INCENP: variants seen among roughly 807,000 people sequenced by gnomAD.
INCENP encodes inner centromere protein.
A neutral mutation model predicts 107.3 loss-of-function variants in INCENP; 43 were observed. That is an observed-to-expected ratio of 0.40 (90% CI 0.31 to 0.52). The LOEUF is 0.52. Ranked by LOEUF, INCENP falls within the 20% of genes least tolerant of loss-of-function variation. The pLI is 0.53. For missense variants in INCENP, 1,089 were observed against 1,250.9 expected, an observed-to-expected ratio of 0.87 and a Z score of 1.95; for synonymous variants, 488 against 494.4, an observed-to-expected ratio of 0.99 and a Z score of 0.17.
intron 17 of INCENP, among the ~76,000 whole-genome samples, chr11:62,149,163 TC>T (rs1944319711): frequency 1.8e-5 from 2 of 112,842 alleles, no homozygotes; most frequent in Non-Finnish European, 4.8e-5. Context: ...CACACAGATA[TC>T]CTCTCTCTCT....
intron 10 of INCENP, among the ~76,000 whole-genome samples, 181 bp downstream of exon 10, chr11:62,141,225 G>C (rs1215126323): frequency 2.0e-5 from 3 of 152,216 alleles, no homozygotes; most frequent in Non-Finnish European, 4.4e-5. Context: ...TGAGGGCACT[G>C]TCCTGCACTT....
chr11:62,137,587 C>T (rs189701736), intron 4 of INCENP, among the ~76,000 whole-genome samples: 2 of 152,306 alleles, frequency 1.3e-5, no homozygotes, highest in East Asian at 3.9e-4. Flanking sequence ...GTGAAGGTGC[C>T]CAGCCGTGCT....
In INCENP at chr11:62,130,569, G is replaced by A. The variant is rs1481117768; in HGVS notation, c.1042G>A (p.Ala348Thr). 6.2e-7 allele frequency: 1 copy of A among 1,612,622 alleles called. No individual in the cohort carries two copies. The highest frequency in any genetic ancestry group is 8.5e-7 in the Non-Finnish European group (1 of 1,179,394). The part of the protein sequence containing the change: ...RLAKKTAEEP[A>T]ASGRIICHSY... Reference sequence around the variant, plus strand: ...TGCCAAGAAGACTGCCGAAGAGCCAGCTGCCTCTGGCCGCATCATCTGTGA... The same window carrying A: ...TGCCAAGAAGACTGCCGAAGAGCCAACTGCCTCTGGCCGCATCATCTGTGA... The change falls in exon 4 of 19, where the codon GCT becomes ACT. Residue 348 changes from alanine to threonine, a missense_variant. Transcript: ENST00000394818.
chr11:62,126,200 G>T (rs1170636992), intron 1 of INCENP, among the ~76,000 whole-genome samples: 1 of 99,980 alleles, frequency 1.0e-5, no homozygotes, highest in African/African-American at 3.0e-5. Context: ...GTTGTGCATG[G>T]TTTTTTTTTT....
intron 7 of INCENP, 123 bp from the exon 8 acceptor site, chr11:62,140,111 C>A: frequency 5.0e-6 from 4 of 795,370 alleles, no homozygotes; most frequent in Non-Finnish European, 8.6e-6. Flanking sequence ...CCCGGAGCTG[C>A]CAGGAAGGGA....
At position 62,141,495 on chromosome 11, in the gene INCENP, C is replaced by T; in HGVS notation, c.1594-5C>T. 2 of 1,614,046 alleles carry T rather than the reference C, an allele frequency of 1.2e-6. No homozygotes were observed. Among genetic ancestry groups the T allele is most frequent in the Non-Finnish European group, 8.5e-7 (1 of 1,179,896 alleles). On this transcript the variant is annotated splice_polypyrimidine_tract_variant and splice_region_variant and intron_variant, in intron 10 of 18. Transcript: ENST00000394818. ...CTCTTGCCTTTTCCCTTGTCTCCTC[C>T]ACAGTGCAGCTTCGTCGTAAGTAAA...
chr11:62,141,001 A>G lies in INCENP; in HGVS notation c.1550A>G (p.Lys517Arg). ...ACCTCAGCCCCACGCAGCGTCATGA[A>G]GTCCTTTATTAAGCGCAACACTCCC... ...TPTSAPRSVM[K>R]SFIKRNTPLR... The change falls in exon 10 of 19, where the codon AAG becomes AGG. Residue 517 changes from lysine (K) to arginine (R), a missense_variant. Transcript: ENST00000394818. 1 of 1,614,000 alleles carries G rather than the reference A, an allele frequency of 6.2e-7. No homozygotes were observed. The highest frequency in any genetic ancestry group is 1.1e-5 in the South Asian group (1 of 91,070).
At chr11:62,134,050 C>T (rs1449742486) in intron 4 of INCENP, among the ~76,000 whole-genome samples, 2 of 152,190 alleles carry the variant, frequency 1.3e-5, no homozygotes, top group East Asian at 1.9e-4. Context: ...CTTGGCCCTC[C>T]TTCTCCCTAG....
intron 4 of INCENP, among the ~76,000 whole-genome samples, chr11:62,135,813 T>A (rs1411057521): frequency 3.3e-5 from 5 of 151,466 alleles, no homozygotes. Flanking sequence ...TTGGCTCAAT[T>A]TTTTTTTTCT....
In INCENP at chr11:62,140,255, A is replaced by G. The variant is rs1174483167; in HGVS notation, c.1313A>G (p.Asp438Gly). Residue 438 changes from aspartate to glycine, a missense_variant, in exon 8 of 19, where the codon GAT becomes GGT. Coordinates refer to ENST00000394818, the MANE Select transcript of INCENP (RefSeq NM_001040694.2). Reference sequence around the variant, plus strand: ...ACAGAGGCCAAGACGGACCAAGCAGATGGACCCAGAGAGCCACCGCAGAGT... The same window carrying G: ...ACAGAGGCCAAGACGGACCAAGCAGGTGGACCCAGAGAGCCACCGCAGAGT... Reference protein sequence around the residue: ...GQQEAKTDQADGPREPPQSAR... With the variant: ...GQQEAKTDQAGGPREPPQSAR... 11 of 1,613,682 alleles carry G rather than the reference A, an allele frequency of 6.8e-6. No individual in the cohort carries two copies. Among genetic ancestry groups the G allele is most frequent in the Admixed American group, 1.7e-5 (1 of 59,984 alleles).
chr11:62,130,601 G>A lies in INCENP; in HGVS notation c.1063+11G>A, dbSNP rs761893746. 5.0e-6 allele frequency: 8 copies of A among 1,602,778 alleles called. No homozygotes were observed. The highest frequency in any genetic ancestry group is 6.8e-6 in the Non-Finnish European group (8 of 1,174,188). On this transcript the variant is annotated intron_variant, in intron 4 of 18. Transcript: ENST00000394818. ...CTGGCCGCATCATCTGTGAGTCTGG[G>A]GGCTTGGCAGTGGCGGGTGGTCCTT... is the stretch of plus-strand genomic sequence containing the variant.
At position 62,129,796 on chromosome 11, in the gene INCENP, A is replaced by T; in HGVS notation, c.269A>T (p.Lys90Met). 6.2e-7 allele frequency: 1 copy of T among 1,605,474 alleles called. No individual in the cohort carries two copies. The highest frequency in any genetic ancestry group is 8.5e-7 in the Non-Finnish European group (1 of 1,177,684). Residue 90 changes from lysine (K) to methionine (M), a missense_variant, in exon 4 of 19, where the codon AAG (lysine) becomes ATG (methionine). By Grantham distance (95) the Lys-to-Met change is moderately conservative. Coordinates refer to ENST00000394818, the MANE Select transcript of INCENP (RefSeq NM_001040694.2). ...GCCCCTGCCAGGTTATCCCGCAGAA[A>T]GTCTCGGAGCAGCCAGCTGAGCTCC... ...DPIRRRLSRR[K>M]SRSSQLSSRR...
chr11:62,152,268 A>G lies in INCENP; in HGVS notation c.*292A>G. 6.7e-6 allele frequency: 3 copies of G among 450,482 alleles called. No homozygotes were observed. The highest frequency in any genetic ancestry group is 1.2e-5 in the Non-Finnish European group (3 of 251,670). 27.9% of individuals were successfully genotyped at this position (450,482 alleles called of 1,614,324 possible). A position where few individuals can be genotyped will look rare whatever the true frequency, so the allele number is the denominator to read the frequency against. ...TGTTTTAATTTAGCTGAATGTTAGCATTTTAGTCTTTGGCATTTTAGCGTT... is the reference window on the plus strand; with the variant it reads ...TGTTTTAATTTAGCTGAATGTTAGCGTTTTAGTCTTTGGCATTTTAGCGTT... On this transcript the variant is annotated 3_prime_UTR_variant, in exon 19 of 19. Transcript: ENST00000394818.
In INCENP at chr11:62,148,534, C is replaced by T; in HGVS notation, c.2263C>T (p.Leu755=). 1 of 1,607,790 alleles carries T rather than the reference C, an allele frequency of 6.2e-7. No individual in the cohort carries two copies. Among genetic ancestry groups the T allele is most frequent in the Non-Finnish European group, 8.5e-7 (1 of 1,178,042 alleles). The part of the protein sequence containing the change: ...RLQKEQLQRE[L]EEKKKKEEQQ... ...GCAGAAGGAGCAGCTGCAGAGGGAA[C>T]TGGAGGAGAAGAAGAAGAAGGTGAG... Residue 755 remains leucine (L), a synonymous_variant, in exon 16 of 19, where the codon CTG becomes TTG. Coordinates refer to ENST00000394818, the MANE Select transcript of INCENP (RefSeq NM_001040694.2).
Position 62,152,620 on chromosome 11 carries a change from C to T in INCENP, c.*644C>T, listed in dbSNP as rs1195009020. The T allele has an allele frequency of 6.5e-6, 1 of 152,870 alleles. No homozygotes were observed. Among genetic ancestry groups the T allele is most frequent in the Non-Finnish European group, 1.5e-5 (1 of 68,650 alleles). 9.5% of individuals were successfully genotyped at this position (152,870 alleles called of 1,614,324 possible). On this transcript the variant is annotated 3_prime_UTR_variant, in exon 19 of 19. Transcript: ENST00000394818. ...GGGGAGTTTGTTCATTGGGAAAGAC[C>T]TGGGTCTTGACACGGCCCTGCCACT... is the stretch of plus-strand genomic sequence containing the variant.
chr11:62,136,148 G>A (rs1016568459), intron 4 of INCENP, among the ~76,000 whole-genome samples: 6 of 152,110 alleles, frequency 3.9e-5, no homozygotes, highest in African/African-American at 1.4e-4. Context: ...TTTTTGTGAT[G>A]GATTCACTTC....
intron 4 of INCENP, among the ~76,000 whole-genome samples, chr11:62,135,319 G>A (rs1943969219): frequency 6.6e-6 from 1 of 152,076 alleles, no homozygotes; most frequent in South Asian, 2.1e-4. Context: ...CCAGGCTGGA[G>A]TGCAGTGGTG....
chr11:62,151,194 C>G lies in INCENP; in HGVS notation c.2543-568C>G, dbSNP rs974676995. ...TGACATGAGTGAGCTCACGGCTGGC[C>G]CTTAGAGCCGCACCTGGTGCTGAGC... On this transcript the variant is annotated intron_variant, in intron 18 of 18. Coordinates refer to ENST00000394818, the MANE Select transcript of INCENP (RefSeq NM_001040694.2). Among the ~76,000 whole-genome samples the G allele has an allele frequency of 3.9e-5, 6 of 152,164 alleles. No individual in the cohort carries two copies. In the East Asian group the frequency reaches 1.2e-3, roughly 29 times the overall value.
rs1231903543 is a variant in INCENP, at chr11:62,145,733, G to A, written c.1941G>A (p.Arg647=). Residue 647 remains arginine (R), a synonymous_variant, in exon 14 of 19, where the codon AGG becomes AGA. Transcript: ENST00000394818. The part of the protein sequence containing the change: ...ARRKQEEEAR[R]LRWLQQEEEE... Reference sequence around the variant, plus strand: ...GGAAGCAGGAAGAGGAGGCACGTAGGCTCAGGTGGCTGCAGCAGGTGCGAG... The same window carrying A: ...GGAAGCAGGAAGAGGAGGCACGTAGACTCAGGTGGCTGCAGCAGGTGCGAG... 1 of 1,554,062 alleles carries A rather than the reference G, an allele frequency of 6.4e-7. No individual in the cohort carries two copies. The highest frequency in any genetic ancestry group is 8.7e-7 in the Non-Finnish European group (1 of 1,148,834).
Sources: allele counts gnomAD v4.1 joint callset (sites outside exome capture counted in the v4.1 genomes callset), GRCh38; gene constraint gnomAD v4.1.1; transcripts MANE v1.5; gene names NCBI Gene and HGNC (gene_info 2026-07-23, HGNC 2026-07-21).